RBFOX1: variants seen among roughly 807,000 people sequenced by gnomAD.
The protein encoded by RBFOX1 is RNA binding fox-1 homolog 1, also known as RNA binding protein fox-1 homolog 1.
RBFOX1 carries 8 observed loss-of-function variants against 57.7 expected under a neutral mutation model. The observed-to-expected ratio is 0.14, with a 90% CI of 0.08 to 0.25. RBFOX1 has a LOEUF of 0.25. RBFOX1 is among the 10% of genes least tolerant of loss of function. The pLI is 1.00. For missense variants in RBFOX1, 611 were observed against 548.5 expected (o/e 1.11, Z -1.14); for synonymous variants, 326 against 222.4 (o/e 1.47, Z -4.15).
chr16:6,550,411 C>T (rs1007574636), intron 2 of RBFOX1, among the ~76,000 whole-genome samples: 1 of 152,166 alleles, frequency 6.6e-6, no homozygotes, highest in African/African-American at 2.4e-5. Context: ...TCATGGCCTC[C>T]AATTCGTGGC....
intron 2 of RBFOX1, among the ~76,000 whole-genome samples, chr16:6,439,033 G>T (rs760121518): frequency 4.3e-4 from 66 of 152,262 alleles, no homozygotes; most frequent in Non-Finnish European, 8.8e-4. Flanking sequence ...TGTGAGAGAT[G>T]TCCTGGAAAC....
intron 5 of RBFOX1, among the ~76,000 whole-genome samples, chr16:7,574,758 G>T (rs2093160222): frequency 6.6e-6 from 1 of 152,060 alleles, no homozygotes; most frequent in South Asian, 2.1e-4. Context: ...CCAATACTTT[G>T]CATCCTTCAA....
chr16:7,547,693 C>T (rs920851051), intron 5 of RBFOX1, among the ~76,000 whole-genome samples: 11 of 152,168 alleles, frequency 7.2e-5, no homozygotes, highest in African/African-American at 2.2e-4. Context: ...ATTTTATTTT[C>T]GTGTTTTTAA....
intron 3 of RBFOX1, among the ~76,000 whole-genome samples, chr16:6,889,113 A>C (rs183713642): frequency 1.1e-4 from 16 of 152,296 alleles, no homozygotes; most frequent in Admixed American, 2.6e-4. Flanking sequence ...CAAGAATTCC[A>C]AAAAACCTGG....
At chr16:6,481,234 C>G (rs1253520482) in intron 2 of RBFOX1, among the ~76,000 whole-genome samples, 7 of 152,240 alleles carry the variant, frequency 4.6e-5, no homozygotes, top group African/African-American at 1.7e-4. Context: ...AACCTTCTCT[C>G]TGTATCATCT....
At chr16:7,489,918 A>G (rs142086869) in intron 4 of RBFOX1, among the ~76,000 whole-genome samples, 24 of 152,258 alleles carry the variant, frequency 1.6e-4, no homozygotes, top group African/African-American at 5.5e-4. Context: ...TTAAAAGTTA[A>G]GGTGAATTTT....
intron 4 of RBFOX1, among the ~76,000 whole-genome samples, chr16:7,369,262 A>G (rs911371696): frequency 6.6e-6 from 1 of 151,356 alleles, no homozygotes; most frequent in African/African-American, 2.4e-5. Flanking sequence ...ATGTTCCTGC[A>G]GCTCTCGGGG....
chr16:6,562,757 T>C (rs1194357711), intron 2 of RBFOX1, among the ~76,000 whole-genome samples: 1 of 152,118 alleles, frequency 6.6e-6, no homozygotes, highest in African/African-American at 2.4e-5. Context: ...CACAAGTTGC[T>C]TTTTTTCTTT....
chr16:7,365,071 G>GTCTA (rs370750395), intron 4 of RBFOX1, among the ~76,000 whole-genome samples: 4 of 152,100 alleles, frequency 2.6e-5, no homozygotes, highest in Non-Finnish European at 4.4e-5. Flanking sequence ...TCTATCATTC[G>GTCTA]TCTATCTATC....
intron 3 of RBFOX1, among the ~76,000 whole-genome samples, chr16:6,934,288 G>C (rs914564670): frequency 4.6e-5 from 7 of 152,114 alleles, no homozygotes; most frequent in Admixed American, 3.9e-4. Context: ...TGCTGCGCTT[G>C]GGATTTTCTT....
intron 5 of RBFOX1, among the ~76,000 whole-genome samples, chr16:7,556,659 AG>A (rs2088594886): frequency 6.6e-6 from 1 of 152,130 alleles, no homozygotes; most frequent in Non-Finnish European, 1.5e-5. Context: ...CTAAGACCTT[AG>A]TTCTAGGACC....
At chr16:6,214,737 G>A (rs2097322682) in intron 1 of RBFOX1, among the ~76,000 whole-genome samples, 1 of 123,506 alleles carries the variant, frequency 8.1e-6, no homozygotes, top group Non-Finnish European at 1.7e-5. Flanking sequence ...GGGAGAAGGA[G>A]AGGGAGAAGG....
intron 3 of RBFOX1, among the ~76,000 whole-genome samples, chr16:5,820,360 G>T (rs368941668): frequency 3.3e-5 from 5 of 152,154 alleles, no homozygotes; most frequent in Admixed American, 6.5e-5. Flanking sequence ...ATCCTGCAAG[G>T]GGGGAGGCAG....
chr16:7,373,806 A>G (rs1023337210), intron 4 of RBFOX1, among the ~76,000 whole-genome samples: 12 of 152,184 alleles, frequency 7.9e-5, no homozygotes, highest in Non-Finnish European at 1.5e-4. Flanking sequence ...ACATTCACAG[A>G]GCAACTTTTT....
At chr16:6,296,482 G>A (rs947744042) in intron 1 of RBFOX1, among the ~76,000 whole-genome samples, 1 of 151,582 alleles carries the variant, frequency 6.6e-6, no homozygotes, top group African/African-American at 2.4e-5. Context: ...GTGCAATGGC[G>A]GGATCTCGGC....
chr16:7,354,214 GC>G (rs2146168873), intron 4 of RBFOX1, among the ~76,000 whole-genome samples: 1 of 152,212 alleles, frequency 6.6e-6, no homozygotes, highest in South Asian at 2.1e-4. Flanking sequence ...CAGGTGATCT[GC>G]CCACCTCGGC....
chr16:6,714,645 C>T (rs948737446), intron 3 of RBFOX1, among the ~76,000 whole-genome samples: 1 of 152,146 alleles, frequency 6.6e-6, no homozygotes, highest in South Asian at 2.1e-4. Context: ...GAACATATTA[C>T]AGCCAGGTCC....
In RBFOX1 at chr16:5,697,532, A is replaced by ATTTTTTTTTTTTTTTTTTTTTTTTT. The variant is rs374138178; in HGVS notation, c.318+98573_318+98574insTTTTTTTTTTTTTTTTTTTTTTTTT. On this transcript the variant is annotated intron_variant, in intron 3 of 19. Transcript: ENST00000641259. ...GTTGTGGGCTTTTCTTTTCTTTTCTATTCTTTTTTTTTTTTTTTTGAGATA... is the reference window on the plus strand; with the variant it reads ...GTTGTGGGCTTTTCTTTTCTTTTCTATTTTTTTTTTTTTTTTTTTTTTTTTTTCTTTTTTTTTTTTTTTTGAGATA... Among the ~76,000 whole-genome samples the ATTTTTTTTTTTTTTTTTTTTTTTTT allele has an allele frequency of 2.2e-5, 3 of 133,966 alleles. 1 individual carries two copies. The highest frequency in any genetic ancestry group is 1.6e-4 in the Admixed American group (2 of 12,428). The allele number at this position is 133,966 out of a possible 152,430, so 87.9% of individuals were successfully genotyped here.
At chr16:7,653,973 G>T in intron 12 of RBFOX1, 26 bp downstream of exon 12, 8 of 1,473,666 alleles carry the variant, frequency 5.4e-6, no homozygotes, top group Non-Finnish European at 6.3e-6. Flanking sequence ...TCCTGGGTGG[G>T]CCTCCCTGCA....
Sources: allele counts gnomAD v4.1 joint callset (sites outside exome capture counted in the v4.1 genomes callset), GRCh38; gene constraint gnomAD v4.1.1; transcripts MANE v1.5; gene names NCBI Gene and HGNC (gene_info 2026-07-23, HGNC 2026-07-21).